Variants in P4HA1 observed in about 807,000 individuals in gnomAD.
P4HA1 encodes the protein prolyl 4-hydroxylase subunit alpha-1.
Under a neutral mutation model 72.8 loss-of-function variants are expected in P4HA1, and 24 were observed. That is an observed-to-expected ratio of 0.33 (90% CI 0.24 to 0.46). The LOEUF is 0.46. P4HA1 is among the 20% of genes least tolerant of loss of function. The probability of loss-of-function intolerance (pLI) is 1.00; values close to 1 mark genes in which losing one functional copy is unlikely to be tolerated. For synonymous variants in P4HA1, 201 were observed against 218.8 expected (o/e 0.92, Z 0.72); for missense variants, 446 against 640.6 (o/e 0.70, Z 3.28).
intron 9 of P4HA1, among the ~76,000 whole-genome samples, chr10:73,044,759 C>T (rs1840813504): frequency 6.6e-6 from 1 of 152,084 alleles, no homozygotes; most frequent in African/African-American, 2.4e-5. Context: ...TATTAATTCC[C>T]TAAAAATAAC....
At chr10:73,060,868 A>G (rs1456047393) in intron 5 of P4HA1, among the ~76,000 whole-genome samples, 4 of 152,162 alleles carry the variant, frequency 2.6e-5, no homozygotes, top group African/African-American at 9.7e-5. Flanking sequence ...GATCACTACT[A>G]AAAATGGTTA....
intron 5 of P4HA1, among the ~76,000 whole-genome samples, chr10:73,055,978 G>A (rs1841138633): frequency 6.6e-6 from 1 of 152,200 alleles, no homozygotes; most frequent in Non-Finnish European, 1.5e-5. Context: ...TGCTCCTGAT[G>A]TTATAACATT....
chr10:73,059,729 C>T (rs536960596), intron 5 of P4HA1, among the ~76,000 whole-genome samples: 1 of 150,222 alleles, frequency 6.7e-6, no homozygotes, highest in South Asian at 2.1e-4. Context: ...GGCGACAGAG[C>T]AAGACTCCAT....
intron 9 of P4HA1, among the ~76,000 whole-genome samples, chr10:73,040,296 G>C (rs956283116): frequency 1.3e-5 from 2 of 151,726 alleles, no homozygotes; most frequent in Admixed American, 1.3e-4. Flanking sequence ...AAATAGGTTT[G>C]AAATGTTTAG....
rs911777771 is a variant in P4HA1 at position 73,018,718 on chromosome 10, T to C, written c.1249-1819A>G. Among the ~76,000 whole-genome samples, 7 of 152,142 alleles carry C rather than the reference T, an allele frequency of 4.6e-5. 1 individual carries two copies. Among genetic ancestry groups the C allele is most frequent in the Admixed American group, 3.9e-4 (6 of 15,282 alleles). On this transcript the variant is annotated intron_variant, in intron 10 of 14. Coordinates refer to ENST00000394890, the MANE Select transcript of P4HA1 (RefSeq NM_001017962.3). ...TCAGGCTCCTAATAGAGCCAAACCCTGCATCCCAGACTCAAACCTCCAGAG... is the reference window on the plus strand; with the variant it reads ...TCAGGCTCCTAATAGAGCCAAACCCCGCATCCCAGACTCAAACCTCCAGAG...
In P4HA1 at chr10:73,033,056, A is replaced by AT. The variant is rs1352001277; in HGVS notation, c.1149-2687dup. ...ATATAGCTGATTAAGTATATTAAGAATTTTTTTCTTCTAATTCTGCCCAAG... is the reference window on the plus strand; with the variant it reads ...ATATAGCTGATTAAGTATATTAAGAATTTTTTTTCTTCTAATTCTGCCCAAG... On this transcript the variant is annotated intron_variant, in intron 9 of 14. Coordinates refer to ENST00000394890, the MANE Select transcript of P4HA1 (RefSeq NM_001017962.3). Among the ~76,000 whole-genome samples, 3 of 152,078 alleles carry AT rather than the reference A, an allele frequency of 2.0e-5. 1 individual carries two copies. The highest frequency in any genetic ancestry group is 6.6e-5 in the Admixed American group (1 of 15,262).
At chr10:73,075,752 T>C (rs972787912) in intron 1 of P4HA1, among the ~76,000 whole-genome samples, 2 of 151,708 alleles carry the variant, frequency 1.3e-5, no homozygotes, top group Admixed American at 1.3e-4. Flanking sequence ...AGTGTGTGTG[T>C]GTGTGTGTAT....
chr10:73,031,179 G>T (rs979414827), intron 9 of P4HA1, among the ~76,000 whole-genome samples: 4 of 152,092 alleles, frequency 2.6e-5, no homozygotes, highest in African/African-American at 9.7e-5. Flanking sequence ...ATATTATTGT[G>T]TCACAAAAAG....
chr10:73,086,150 C>A (rs1178715001), intron 1 of P4HA1, among the ~76,000 whole-genome samples: 1 of 152,180 alleles, frequency 6.6e-6, no homozygotes, highest in Non-Finnish European at 1.5e-5. Context: ...ACAGAATAAC[C>A]ATATGGCCCA....
intron 1 of P4HA1, among the ~76,000 whole-genome samples, chr10:73,081,441 T>G (rs1488993090): frequency 6.6e-6 from 1 of 152,210 alleles, no homozygotes; most frequent in Admixed American, 6.5e-5. Flanking sequence ...TTTGGTAGCA[T>G]ATTACATTTT....
chr10:73,054,607 T>A (rs1841094508), intron 5 of P4HA1, among the ~76,000 whole-genome samples: 1 of 152,218 alleles, frequency 6.6e-6, no homozygotes, highest in South Asian at 2.1e-4. Flanking sequence ...ATTTCTTGAG[T>A]ATATACATAT....
intron 1 of P4HA1, among the ~76,000 whole-genome samples, chr10:73,091,174 ATAAAT>A (rs1024640619): frequency 2.7e-5 from 3 of 110,142 alleles, no homozygotes; most frequent in African/African-American, 1.6e-4. Context: ...TACCAAAAAA[ATAAAT>A]AAATAAATAA....
chr10:73,077,795 A>C (rs7913148), intron 1 of P4HA1, among the ~76,000 whole-genome samples: 6,042 of 150,964 alleles, frequency 0.04, 339 homozygotes, highest in African/African-American at 0.12. Context: ...AGGCCGGGCA[A>C]CATAGCAAGA....
chr10:73,019,558 A>G (rs948815618), intron 10 of P4HA1, among the ~76,000 whole-genome samples: 2 of 152,024 alleles, frequency 1.3e-5, no homozygotes, highest in African/African-American at 2.4e-5. Flanking sequence ...CAGAATTTCA[A>G]CAAAGAAAGA....
At chr10:73,092,471 T>TCC (rs1842056294) in intron 1 of P4HA1, among the ~76,000 whole-genome samples, 1 of 148,092 alleles carries the variant, frequency 6.8e-6, no homozygotes, top group African/African-American at 2.5e-5. Flanking sequence ...CACCTCAGCC[T>TCC]CCCAAGTAGT....
chr10:73,096,154 C>A (rs1051944384), intron 1 of P4HA1, among the ~76,000 whole-genome samples: 3 of 152,206 alleles, frequency 2.0e-5, no homozygotes, highest in African/African-American at 7.2e-5. Context: ...GAAAGCTCGG[C>A]GCCCCGGGCT....
chr10:73,078,876 T>G (rs1049453917), intron 1 of P4HA1, among the ~76,000 whole-genome samples: 2 of 152,084 alleles, frequency 1.3e-5, no homozygotes, highest in Admixed American at 1.3e-4. Flanking sequence ...CCTCCTAAAG[T>G]GCTGGGATTA....
rs1487630036 is a variant in P4HA1 at position 73,022,958 on chromosome 10, A to C, written c.1249-6059T>G. ...CAAGTTTAGAGAAAAATGAGTAGAA[A>C]GAAACAAATAAAGCCTCCAAGAAAT... On this transcript the variant is annotated intron_variant, in intron 10 of 14. Coordinates refer to ENST00000394890, the MANE Select transcript of P4HA1 (RefSeq NM_001017962.3). Among the ~76,000 whole-genome samples the C allele has an allele frequency of 3.3e-5, 5 of 152,322 alleles. No individual in the cohort carries two copies. In the East Asian group the frequency reaches 9.7e-4, roughly 29 times the overall value.
chr10:73,019,649 G>T (rs540507099), intron 10 of P4HA1, among the ~76,000 whole-genome samples: 104 of 150,578 alleles, frequency 6.9e-4, no homozygotes, highest in African/African-American at 2.5e-3. Context: ...AGAATCGCTT[G>T]AACCTGGGAG....
Sources: allele counts gnomAD v4.1 joint callset (sites outside exome capture counted in the v4.1 genomes callset), GRCh38; gene constraint gnomAD v4.1.1; transcripts MANE v1.5; gene names NCBI Gene and HGNC (gene_info 2026-07-23, HGNC 2026-07-21).